Variants in HS1BP3 observed in about 807,000 individuals in gnomAD.
HS1BP3 encodes HCLS1-binding protein 3.
HS1BP3 carries 32 observed loss-of-function variants against 33.5 expected under a neutral mutation model. That is an observed-to-expected ratio of 0.95 (90% CI 0.72 to 1.28). HS1BP3 has a LOEUF of 1.28. Among genes scored for constraint, HS1BP3 ranks in the 50% most tolerant of loss-of-function variants. The pLI, the probability that HS1BP3 is intolerant of heterozygous loss-of-function variation, is 0.00. For missense variants in HS1BP3, 486 were observed against 502.3 expected (o/e 0.97, Z 0.31); for synonymous variants, 187 against 209.2 (o/e 0.89, Z 0.92).
chr2:20,618,511 G>T lies in HS1BP3; in HGVS notation c.*476C>A. 1 of 171,374 alleles carries T rather than the reference G, an allele frequency of 5.8e-6. No individual in the cohort carries two copies. Among genetic ancestry groups the T allele is most frequent in the Non-Finnish European group, 1.2e-5 (1 of 83,942 alleles). The allele number at this position is 171,374 out of a possible 1,614,324, so 10.6% of individuals were successfully genotyped here. On this transcript the variant is annotated 3_prime_UTR_variant, in exon 7 of 7. Transcript: ENST00000304031. ...GTCACCCAGGCTACAGCTTAGGGTA[G>T]GGGAAGGGGAGGATACCGGTCACTC...
chr2:20,624,998 C>T (rs956379377), intron 4 of HS1BP3, 106 bp from the exon 5 acceptor site: 1 of 1,357,714 alleles, frequency 7.4e-7, no homozygotes, highest in Non-Finnish European at 1.0e-6. Context: ...GGGCTGGATG[C>T]CATGGGCCAG....
chr2:20,577,774 G>A (rs899984129), intron 5 of HS1BP3, among the ~76,000 whole-genome samples: 1 of 152,224 alleles, frequency 6.6e-6, no homozygotes. Context: ...TGGAGCAGCA[G>A]ATTAAAGTAT....
chr2:20,644,355 C>G (rs150936125), intron 2 of HS1BP3, among the ~76,000 whole-genome samples: 44 of 152,318 alleles, frequency 2.9e-4, no homozygotes, highest in African/African-American at 1.0e-3. Context: ...CTCAGCCCTT[C>G]TCTCTGCCTT....
At chr2:20,566,603 T>C (rs1693134347) in intron 5 of HS1BP3, among the ~76,000 whole-genome samples, 1 of 150,250 alleles carries the variant, frequency 6.7e-6, no homozygotes, top group Non-Finnish European at 1.5e-5. Flanking sequence ...GTCACAGGTT[T>C]TTTTTTTTGT....
In HS1BP3 at chr2:20,638,520, C is replaced by T. The variant is rs1267518587; in HGVS notation, c.539G>A (p.Gly180Asp). The T allele has an allele frequency of 8.1e-6, 13 of 1,614,250 alleles. No individual in the cohort carries two copies. In the Middle Eastern group the frequency reaches 6.6e-4, roughly 82 times the overall value. ...GCCCTTCAGGCTCTGGACGGGCGGA[C>T]CCTCTTCTGCCACTTGGTCTTGCTC... is the stretch of plus-strand genomic sequence containing the variant. ...FEEQDQVAEE[G>D]PPVQSLKGED... Residue 180 changes from glycine to aspartate, a missense_variant, in exon 4 of 7, where the codon GGT (glycine) becomes GAT (aspartate). By Grantham distance (94) the Gly-to-Asp change is moderately conservative. Transcript: ENST00000304031.
At chr2:20,633,126 C>T (rs2149297011) in intron 4 of HS1BP3, among the ~76,000 whole-genome samples, 1 of 152,322 alleles carries the variant, frequency 6.6e-6, no homozygotes, top group Non-Finnish European at 1.5e-5. Context: ...ACGCACTCAG[C>T]GTCCGCCAGC....
downstream of HS1BP3, among the ~76,000 whole-genome samples, chr2:20,589,831 G>A: frequency 6.6e-6 from 1 of 152,210 alleles, no homozygotes. Context: ...CCTCACAGCT[G>A]GGGGCGGGAT....
intron 2 of HS1BP3, among the ~76,000 whole-genome samples, chr2:20,641,406 T>C (rs1195004852): frequency 6.6e-6 from 1 of 152,104 alleles, no homozygotes; most frequent in Admixed American, 6.5e-5. Flanking sequence ...AAAGATGCAA[T>C]AACGGTGCCA....
At chr2:20,564,692 C>T (rs1693083136) in intron 5 of HS1BP3, among the ~76,000 whole-genome samples, 1 of 152,150 alleles carries the variant, frequency 6.6e-6, no homozygotes, top group Non-Finnish European at 1.5e-5. Context: ...CCATGTTGGC[C>T]AGGCTGGTCT....
At chr2:20,554,409 C>A in the HS1BP3 span, among the ~76,000 whole-genome samples, 1 of 152,054 alleles carries the variant, frequency 6.6e-6, no homozygotes, top group Non-Finnish European at 1.5e-5. Flanking sequence ...CACTGTCTAA[C>A]AAACACGCAC....
intron 1 of HS1BP3, among the ~76,000 whole-genome samples, chr2:20,647,695 T>G (rs978747799): frequency 3.3e-5 from 5 of 152,154 alleles, no homozygotes; most frequent in African/African-American, 1.2e-4. Flanking sequence ...CAGGGTCAGA[T>G]AGCAAATATT....
intron 2 of HS1BP3, 44 bp downstream of exon 2, chr2:20,645,296 C>A: frequency 6.3e-7 from 1 of 1,589,024 alleles, no homozygotes; most frequent in East Asian, 2.2e-5. Flanking sequence ...CCCGCCCGGA[C>A]CCCGGGCACC....
At position 20,623,886 on chromosome 2, in the gene HS1BP3, C is replaced by A. The variant is rs145522184; in HGVS notation, c.920+10G>T. 415 of 1,609,678 alleles carry A rather than the reference C, an allele frequency of 2.6e-4. 1 individual carries two copies. In the African/African-American group the frequency reaches 4.9e-3, roughly 19 times the overall value. On this transcript the variant is annotated intron_variant, in intron 6 of 6. Coordinates refer to ENST00000304031, the MANE Select transcript of HS1BP3 (RefSeq NM_022460.4). ...AGAGCTGGCCAAGCGCCGCTGGGGA[C>A]AGGTGGTACCTGAACAGTTCCTTGG...
chr2:20,626,267 C>A (rs949359869), intron 4 of HS1BP3, among the ~76,000 whole-genome samples: 1 of 152,234 alleles, frequency 6.6e-6, no homozygotes, highest in Non-Finnish European at 1.5e-5. Context: ...CCAGCCGAGG[C>A]GAGGAGAAAC....
At chr2:20,566,357 G>T (rs1693127701) in intron 5 of HS1BP3, among the ~76,000 whole-genome samples, 1 of 152,224 alleles carries the variant, frequency 6.6e-6, no homozygotes, top group Non-Finnish European at 1.5e-5. Flanking sequence ...GTAGTATGTG[G>T]GTCCGGGTGG....
intron 2 of HS1BP3, among the ~76,000 whole-genome samples, chr2:20,603,419 C>T (rs1410579160): frequency 6.6e-6 from 1 of 152,216 alleles, no homozygotes; most frequent in East Asian, 1.9e-4. Flanking sequence ...CCCAGGTCTC[C>T]TGATACATGC....
In HS1BP3 at chr2:20,633,547, GAT is replaced by G. The variant is rs372755009; in HGVS notation, c.623+4887_623+4888del. 1.0e-3 allele frequency among the ~76,000 whole-genome samples: 152 copies of G among 152,284 alleles called. 5 individuals carry two copies. The South Asian group carries it at 0.029, about 29-fold the overall frequency. On this transcript the variant is annotated intron_variant, in intron 4 of 6. Coordinates refer to ENST00000304031, the MANE Select transcript of HS1BP3 (RefSeq NM_022460.4). Reference sequence around the variant, plus strand: ...GGTTTCTGTTTTGTTTTGTTTTTGAGATAGAGTCTCAGTTGCCCAGGCTGGAG... The same window carrying G: ...GGTTTCTGTTTTGTTTTGTTTTTGAGAGAGTCTCAGTTGCCCAGGCTGGAG...
intron 5 of HS1BP3, chr2:20,560,652 A>G (rs1489622506): frequency 6.6e-6 from 1 of 152,232 alleles, no homozygotes; most frequent in African/African-American, 2.4e-5. Flanking sequence ...CATTTGACAG[A>G]GTCAGAAACT....
chr2:20,633,542 T>C (rs1572352657), intron 4 of HS1BP3, among the ~76,000 whole-genome samples: 1 of 152,206 alleles, frequency 6.6e-6, no homozygotes, highest in East Asian at 1.9e-4. Context: ...TTGTTTTGTT[T>C]TTGAGATAGA....
Sources: allele counts gnomAD v4.1 joint callset (sites outside exome capture counted in the v4.1 genomes callset), GRCh38; gene constraint gnomAD v4.1.1; transcripts MANE v1.5; gene names NCBI Gene and HGNC (gene_info 2026-07-23, HGNC 2026-07-21).